ABCA3: variants seen among roughly 807,000 people sequenced by gnomAD.
The protein encoded by ABCA3 is ATP binding cassette subfamily A member 3, also known as phospholipid-transporting ATPase ABCA3.
ABCA3 carries 88 observed loss-of-function variants against 172.8 expected under a neutral mutation model. That is an observed-to-expected ratio of 0.51 (90% CI 0.43 to 0.61). ABCA3 has a LOEUF of 0.61. ABCA3 is among the 20% of genes least tolerant of loss of function. The pLI is 0.00. For synonymous variants in ABCA3, 1,066 were observed against 983.8 expected (o/e 1.08, Z -1.56); for missense variants, 2,164 against 2,301.0 (o/e 0.94, Z 1.22).
chr16:2,295,847 C>T, intron 17 of ABCA3, 107 bp from the exon 18 acceptor site: 1 of 1,499,906 alleles, frequency 6.7e-7, no homozygotes. Flanking sequence ...GGGAAGGAGG[C>T]TAGAGAACCG....
intron 14 of ABCA3, 32 bp downstream of exon 14, chr16:2,299,371 G>T (rs1412990512): frequency 1.2e-6 from 2 of 1,612,070 alleles, no homozygotes; most frequent in African/African-American, 1.3e-5. Flanking sequence ...GGGGCCTGCT[G>T]GTGGCAGGGG....
intron 32 of ABCA3, 83 bp from the exon 33 acceptor site, chr16:2,276,888 G>A: frequency 6.4e-7 from 1 of 1,565,878 alleles, no homozygotes; most frequent in South Asian, 1.1e-5. Context: ...TGGCAATAGG[G>A]GCTGATGAGG....
intron 19 of ABCA3, among the ~76,000 whole-genome samples, chr16:2,291,172 CA>C (rs953422264): frequency 6.6e-6 from 1 of 151,054 alleles, no homozygotes; most frequent in Non-Finnish European, 1.5e-5. Flanking sequence ...GTTAAAAATA[CA>C]AAAAAACTAG....
In ABCA3 at chr16:2,287,723, A is replaced by C. The variant is rs56388043; in HGVS notation, c.3004+303T>G. On this transcript the variant is annotated intron_variant, in intron 21 of 32. Coordinates refer to ENST00000301732, the MANE Select transcript of ABCA3 (RefSeq NM_001089.3). The surrounding 1 kb of genome is among the most constrained non-coding windows in gnomAD (Gnocchi z 4.1). Reference sequence around the variant, plus strand: ...GAATGATCCTGAAAGACACAGCTTCAGTAAAAAGACGCCTGACAAAGCCTG... The same window carrying C: ...GAATGATCCTGAAAGACACAGCTTCCGTAAAAAGACGCCTGACAAAGCCTG... 1.8e-3 allele frequency among the ~76,000 whole-genome samples: 279 copies of C among 152,374 alleles called. No individual in the cohort carries two copies. Among genetic ancestry groups the C allele is most frequent in the African/African-American group, 6.2e-3 (256 of 41,590 alleles).
intron 12 of ABCA3, among the ~76,000 whole-genome samples, chr16:2,301,425 G>C (rs189424270): frequency 6.6e-6 from 1 of 152,146 alleles, no homozygotes; most frequent in African/African-American, 2.4e-5. Flanking sequence ...AAATGGCCTC[G>C]GCTGGAGGTG....
intron 15 of ABCA3, among the ~76,000 whole-genome samples, 154 bp downstream of exon 15, chr16:2,298,232 G>T (rs1219534182): frequency 6.6e-6 from 1 of 151,286 alleles, no homozygotes; most frequent in East Asian, 2.0e-4. Context: ...GCGAGGTTCT[G>T]GTGAGAGGAA....
chr16:2,317,432 G>C, intron 9 of ABCA3, 29 bp from the exon 10 acceptor site: 2 of 1,612,310 alleles, frequency 1.2e-6, no homozygotes, highest in Non-Finnish European at 8.5e-7. Flanking sequence ...AGTCGGGCGT[G>C]GTGGGCCGGC....
At chr16:2,334,357 G>A (rs888115356) in intron 1 of ABCA3, among the ~76,000 whole-genome samples, 26 of 152,098 alleles carry the variant, frequency 1.7e-4, no homozygotes, top group Admixed American at 9.2e-4. Context: ...AAGGGAGCTC[G>A]GGGTGTGTCC....
intron 11 of ABCA3, among the ~76,000 whole-genome samples, chr16:2,304,811 G>A (rs2093695070): frequency 6.6e-6 from 1 of 151,964 alleles, no homozygotes; most frequent in Non-Finnish European, 1.5e-5. Flanking sequence ...GAGTAGCTGG[G>A]ACTACAGGCG....
intron 10 of ABCA3, among the ~76,000 whole-genome samples, chr16:2,310,651 G>A (rs1017778882): frequency 4.0e-5 from 6 of 151,102 alleles, no homozygotes; most frequent in Non-Finnish European, 7.4e-5. Flanking sequence ...TGAGTAGCTC[G>A]GACTACAGGT....
chr16:2,305,508 G>C (rs2093696279), intron 11 of ABCA3, among the ~76,000 whole-genome samples: 1 of 151,996 alleles, frequency 6.6e-6, no homozygotes, highest in South Asian at 2.1e-4. Flanking sequence ...TGTTGGCCAG[G>C]ATGGTCTCGA....
chr16:2,319,478 C>T (rs2093722152), intron 8 of ABCA3, 103 bp downstream of exon 8: 9 of 1,335,312 alleles, frequency 6.7e-6, no homozygotes, highest in Non-Finnish European at 8.9e-6. Flanking sequence ...GAGCGAGACT[C>T]CAACTCAAAA....
intron 14 of ABCA3, 141 bp downstream of exon 14, chr16:2,299,262 T>C: frequency 8.0e-7 from 1 of 1,248,774 alleles, no homozygotes; most frequent in Non-Finnish European, 1.1e-6. Context: ...CCCCTGGGCC[T>C]GCAGGGCTGA....
rs770589758 is a variant in ABCA3, at chr16:2,281,025, A to T, written c.4359+2T>A. The T allele has an allele frequency of 6.2e-7, 1 of 1,613,390 alleles. No individual in the cohort carries two copies. Among genetic ancestry groups the T allele is most frequent in the Non-Finnish European group, 8.5e-7 (1 of 1,179,910 alleles). ...CTTCAGAGCCTCCCTGGCTGCACCC[A>T]CCTTTCCGACATCAGAGCTGATTCT... On this transcript the variant is annotated splice_donor_variant, in intron 28 of 32. Transcript: ENST00000301732. LOFTEE classifies it high-confidence loss of function. This position sits in a 1 kb window ranked among gnomAD's most constrained non-coding sequence, Gnocchi z 4.7.
At position 2,286,718 on chromosome 16, in the gene ABCA3, T is replaced by G; in HGVS notation, c.3254A>C (p.Gln1085Pro). 1 of 1,613,654 alleles carries G rather than the reference T, an allele frequency of 6.2e-7. No individual in the cohort carries two copies. The highest frequency in any genetic ancestry group is 8.5e-7 in the Non-Finnish European group (1 of 1,179,900). The stretch of plus-strand genomic sequence containing the variant: ...CTCGTTAAACTGGTCCTTGGCAGCC[T>G]GCAGGGCGCTCCGGGGCTGGGGGAA... ...SNFPQPRSAL[Q>P]AAKDQFNEGR... Residue 1085 changes from glutamine (Q) to proline (P), a missense_variant, in exon 22 of 33, where the codon CAG (glutamine) becomes CCG (proline). Physicochemically the swap from Gln to Pro is moderately conservative, Grantham distance 76. This residue lies in a region of ABCA3 where 795 missense variants were observed against 881.9 expected (regional missense o/e 0.90). Coordinates refer to ENST00000301732, the MANE Select transcript of ABCA3 (RefSeq NM_001089.3). The surrounding 1 kb of genome is among the most constrained non-coding windows in gnomAD (Gnocchi z 5.2).
In ABCA3 at chr16:2,283,758, T is replaced by G; in HGVS notation, c.3863-400A>C. On this transcript the variant is annotated intron_variant, in intron 25 of 32. Coordinates refer to ENST00000301732, the MANE Select transcript of ABCA3 (RefSeq NM_001089.3). This position sits in a 1 kb window ranked among gnomAD's most constrained non-coding sequence, Gnocchi z 5.4. ...CTGGACCTGGGGTTGTGATCTTGCT[T>G]AGAAACAGGGTCTTTGAATATGTGA... 1 of 269,018 alleles carries G rather than the reference T, an allele frequency of 3.7e-6. No homozygotes were observed. Among genetic ancestry groups the G allele is most frequent in the Admixed American group, 5.0e-5 (1 of 20,180 alleles). 16.7% of individuals were successfully genotyped at this position (269,018 alleles called of 1,614,324 possible).
intron 10 of ABCA3, among the ~76,000 whole-genome samples, chr16:2,316,354 A>G (rs1448083532): frequency 4.7e-5 from 7 of 148,324 alleles, no homozygotes; most frequent in Admixed American, 6.7e-5. Context: ...GAAAAGAAAA[A>G]AAAAAAAAGG....
At chr16:2,308,769 T>C in intron 10 of ABCA3, 146 bp from the exon 11 acceptor site, 1 of 890,082 alleles carries the variant, frequency 1.1e-6, no homozygotes, top group Non-Finnish European at 1.8e-6. Context: ...GGACACAAGC[T>C]CCAGCACGGG....
intron 5 of ABCA3, among the ~76,000 whole-genome samples, chr16:2,325,083 C>G (rs2093732223): frequency 6.6e-6 from 1 of 152,106 alleles, no homozygotes; most frequent in Admixed American, 6.6e-5. Context: ...AAATGGAGGA[C>G]AGCTTTCATC....
Sources: gnomAD v4.1 joint callset for allele counts (sites outside exome capture counted in the v4.1 genomes callset) on GRCh38, gnomAD v4.1.1 for gene constraint, gnomAD v4.1.1 regional missense constraint, Gnocchi (gnomAD v3.1) non-coding constraint, MANE v1.5 for transcripts, NCBI Gene and HGNC (gene_info 2026-07-23, HGNC 2026-07-21) for gene names.